The following NUP153 variants were observed in gnomAD, a reference collection of about 807,000 sequenced individuals.
NUP153 encodes the protein nucleoporin 153.
In NUP153, 27 loss-of-function variants were observed where a neutral mutation model predicts 134.6. The observed-to-expected ratio is 0.20, with a 90% CI of 0.15 to 0.28. NUP153 has a LOEUF of 0.28. Ranked by LOEUF, NUP153 falls within the 10% of genes least tolerant of loss-of-function variation. The probability of loss-of-function intolerance (pLI) is 1.00; values close to 1 mark genes in which losing one functional copy is unlikely to be tolerated. For missense variants in NUP153, 1,821 were observed against 1,731.3 expected, an observed-to-expected ratio of 1.05 and a Z score of -0.92; for synonymous variants, 640 against 623.5, an observed-to-expected ratio of 1.03 and a Z score of -0.40.
chr6:17,627,831 G>T (rs970333356), intron 18 of NUP153, among the ~76,000 whole-genome samples: 77 of 152,294 alleles, frequency 5.1e-4, no homozygotes, highest in African/African-American at 1.8e-3. Context: ...AGCATTTGGG[G>T]TTTTAGCTTT....
intron 2 of NUP153, among the ~76,000 whole-genome samples, chr6:17,678,949 A>T (rs1406640763): frequency 8.3e-4 from 1 of 1,210 alleles, no homozygotes; most frequent in Non-Finnish European, 0.018. Flanking sequence ...ATCTCATTTA[A>T]AAAAAAAAAA....
intron 20 of NUP153, among the ~76,000 whole-genome samples, chr6:17,617,515 A>G (rs1764394563): frequency 6.6e-6 from 1 of 151,214 alleles, no homozygotes; most frequent in African/African-American, 2.4e-5. Context: ...AGAAGCAGAT[A>G]CCCAGAATCA....
Position 17,660,421 on chromosome 6 carries a change from C to A in NUP153, c.1395+1232G>T, listed in dbSNP as rs1050716894. ...CAACTAAAATGAGACTTGCATTCAACTTAAAGTAGTTAGAAAAAAAGAGCA... is the reference window on the plus strand; with the variant it reads ...CAACTAAAATGAGACTTGCATTCAAATTAAAGTAGTTAGAAAAAAAGAGCA... On this transcript the variant is annotated intron_variant, in intron 11 of 21. Coordinates refer to ENST00000262077, the MANE Select transcript of NUP153 (RefSeq NM_005124.4). 8.6e-5 allele frequency among the ~76,000 whole-genome samples: 13 copies of A among 151,978 alleles called. No individual in the cohort carries two copies. In the East Asian group the frequency reaches 2.5e-3, roughly 29 times the overall value.
intron 1 of NUP153, among the ~76,000 whole-genome samples, chr6:17,701,838 G>GGA (rs1554148702): frequency 5.7e-5 from 6 of 106,086 alleles, no homozygotes; most frequent in Admixed American, 3.8e-4. Flanking sequence ...GTCTCGGGGG[G>GGA]GGGGGGAAAA....
intron 20 of NUP153, among the ~76,000 whole-genome samples, chr6:17,622,180 T>G (rs1274506544): frequency 1.3e-5 from 2 of 152,192 alleles, no homozygotes; most frequent in African/African-American, 4.8e-5. Flanking sequence ...CTGGGCACAG[T>G]AGCTCACGCC....
Position 17,637,456 on chromosome 6 carries a change from G to T in NUP153, c.2161C>A (p.Pro721Thr). ...SGTGFGDKFK[P>T]VIGTWDCDTC... The stretch of plus-strand genomic sequence containing the variant: ...TCACAATCCCAAGTGCCTATCACTG[G>T]TTTAAATTTGTCTCCAAAGCCTGTC... Residue 721 changes from proline (P) to threonine (T), a missense_variant, in exon 16 of 22, where the codon CCA (proline) becomes ACA (threonine). By Grantham distance (38) the Pro-to-Thr change is conservative. Coordinates refer to ENST00000262077, the MANE Select transcript of NUP153 (RefSeq NM_005124.4). 6.2e-7 allele frequency: 1 copy of T among 1,614,184 alleles called. No homozygotes were observed. Among genetic ancestry groups the T allele is most frequent in the African/African-American group, 1.3e-5 (1 of 75,038 alleles).
chr6:17,672,306 G>C (rs1767964248), intron 5 of NUP153, among the ~76,000 whole-genome samples: 1 of 152,190 alleles, frequency 6.6e-6, no homozygotes, highest in Admixed American at 6.5e-5. Context: ...GGCCAGGCCT[G>C]GTGGTTCATG....
chr6:17,643,036 T>C (rs1765935663), intron 14 of NUP153, among the ~76,000 whole-genome samples: 1 of 152,140 alleles, frequency 6.6e-6, no homozygotes, highest in Non-Finnish European at 1.5e-5. Context: ...GAGCAACTTT[T>C]TAATGGACAG....
At chr6:17,679,262 G>A (rs997468795) in intron 2 of NUP153, among the ~76,000 whole-genome samples, 8 of 151,980 alleles carry the variant, frequency 5.3e-5, no homozygotes, top group Non-Finnish European at 1.2e-4. Flanking sequence ...AATCTGAAAA[G>A]TAAGAAAACA....
chr6:17,669,563 A>C lies in NUP153; in HGVS notation c.853-17T>G, dbSNP rs368557255. On this transcript the variant is annotated splice_polypyrimidine_tract_variant and intron_variant, in intron 5 of 21. Transcript: ENST00000262077. ...AACTGGTGCCTGTAAAGTAAACCCT[A>C]TATTATTTGTTGCAACATAAAATCT... 138 of 1,506,994 alleles carry C rather than the reference A, an allele frequency of 9.2e-5. No individual in the cohort carries two copies. In the African/African-American group the frequency reaches 1.7e-3, roughly 19 times the overall value. 93.4% of individuals were successfully genotyped at this position (1,506,994 alleles called of 1,614,324 possible). A position where few individuals can be genotyped will look rare whatever the true frequency, so the allele number is the denominator to read the frequency against.
chr6:17,687,487 G>C (rs1050090510), intron 2 of NUP153, among the ~76,000 whole-genome samples: 1 of 152,126 alleles, frequency 6.6e-6, no homozygotes, highest in Admixed American at 6.5e-5. Flanking sequence ...TCTAATAAAA[G>C]TAAGTGAACA....
Position 17,688,633 on chromosome 6 carries a change from A to C in NUP153, c.112-15T>G. On this transcript the variant is annotated splice_polypyrimidine_tract_variant and intron_variant, in intron 1 of 21. Coordinates refer to ENST00000262077, the MANE Select transcript of NUP153 (RefSeq NM_005124.4). Reference sequence around the variant, plus strand: ...CTAAGAATGCCCTGTTGAGAGAAAAAACATATTATGACAGTTTTAGAAATT... The same window carrying C: ...CTAAGAATGCCCTGTTGAGAGAAAACACATATTATGACAGTTTTAGAAATT... 6.3e-7 allele frequency: 1 copy of C among 1,578,558 alleles called. No individual in the cohort carries two copies. The highest frequency in any genetic ancestry group is 8.7e-7 in the Non-Finnish European group (1 of 1,151,258).
chr6:17,706,226 C>G lies in NUP153; in HGVS notation c.111+51G>C. On this transcript the variant is annotated intron_variant, in intron 1 of 21. Transcript: ENST00000262077. The surrounding 1 kb of genome is among the most constrained non-coding windows in gnomAD (Gnocchi z 5.9). ...CGGGGCCTCGAACCGCCCGTCCCCT[C>G]CAGCCGAGTTTCCCCACCCGCCAGG... The G allele has an allele frequency of 6.8e-7, 1 of 1,478,392 alleles. No homozygotes were observed. Among genetic ancestry groups the G allele is most frequent in the Non-Finnish European group, 9.4e-7 (1 of 1,059,484 alleles). 91.6% of individuals were successfully genotyped at this position (1,478,392 alleles called of 1,614,324 possible). A position where few individuals can be genotyped will look rare whatever the true frequency, so the allele number is the denominator to read the frequency against.
intron 14 of NUP153, among the ~76,000 whole-genome samples, chr6:17,640,504 AT>A (rs1561867207): frequency 3.9e-5 from 6 of 152,394 alleles, no homozygotes; most frequent in African/African-American, 1.2e-4. Context: ...ATAATTGAAA[AT>A]ATCCTTCAGT....
intron 17 of NUP153, among the ~76,000 whole-genome samples, chr6:17,630,317 A>C (rs1460541973): frequency 3.3e-5 from 5 of 152,318 alleles, no homozygotes; most frequent in Admixed American, 3.3e-4. Flanking sequence ...TTAAAAAAGG[A>C]AGGCAACAGA....
chr6:17,699,829 T>C (rs1017213025), intron 1 of NUP153, among the ~76,000 whole-genome samples: 7 of 152,028 alleles, frequency 4.6e-5, no homozygotes, highest in Admixed American at 6.6e-5. Flanking sequence ...AGCTAGATTC[T>C]GTCTCAAAAA....
chr6:17,691,441 G>A (rs1769268580), intron 1 of NUP153, among the ~76,000 whole-genome samples: 1 of 152,096 alleles, frequency 6.6e-6, no homozygotes, highest in Admixed American at 6.6e-5. Context: ...TTCAAGACTT[G>A]AAAGTGTTTA....
At chr6:17,668,541 T>C (rs1209624002) in intron 8 of NUP153, among the ~76,000 whole-genome samples, 1 of 151,924 alleles carries the variant, frequency 6.6e-6, no homozygotes, top group Non-Finnish European at 1.5e-5. Context: ...AATGTCCAAG[T>C]AGAAGAATAC....
chr6:17,656,046 A>G (rs1297087908), intron 11 of NUP153, among the ~76,000 whole-genome samples: 3 of 152,066 alleles, frequency 2.0e-5, no homozygotes, highest in Admixed American at 6.5e-5. Context: ...CTCTACTAAC[A>G]ATACAAAATT....
Sources: gnomAD v4.1 joint callset for allele counts (sites outside exome capture counted in the v4.1 genomes callset) on GRCh38, gnomAD v4.1.1 for gene constraint, Gnocchi (gnomAD v3.1) non-coding constraint, MANE v1.5 for transcripts, NCBI Gene and HGNC (gene_info 2026-07-23, HGNC 2026-07-21) for gene names.